The following RNF213 variants were observed in gnomAD, a reference collection of about 807,000 sequenced individuals.
The protein encoded by RNF213 is ring finger protein 213, also known as E3 ubiquitin-protein ligase RNF213.
Under a neutral mutation model 514.4 loss-of-function variants are expected in RNF213, and 341 were observed. The ratio of observed to expected loss-of-function variants is 0.66; its 90% CI spans 0.61 to 0.73. The LOEUF is 0.73. Among genes scored for constraint, RNF213 ranks in the 30% least tolerant of loss-of-function variants. RNF213 has a pLI of 0.00. For synonymous variants in RNF213, 2,655 were observed against 2,658.2 expected, an observed-to-expected ratio of 1.00 and a Z score of 0.04; for missense variants, 5,767 against 6,615.6, an observed-to-expected ratio of 0.87 and a Z score of 4.45.
chr17:80,281,815 A>G (rs539468166), intron 3 of RNF213, among the ~76,000 whole-genome samples: 29 of 152,274 alleles, frequency 1.9e-4, no homozygotes, highest in Non-Finnish European at 2.9e-4. Context: ...ACGGCGTGGC[A>G]TTGGTACATA....
At chr17:80,325,263 G>T (rs997793073) in intron 18 of RNF213, 65 bp downstream of exon 18, 2 of 1,434,578 alleles carry the variant, frequency 1.4e-6, no homozygotes, top group Non-Finnish European at 1.9e-6. Context: ...ATTGGGAAAG[G>T]TGGGAGGCAG....
chr17:80,388,013 G>A (rs2080309912), intron 63 of RNF213, among the ~76,000 whole-genome samples: 1 of 137,174 alleles, frequency 7.3e-6, no homozygotes, highest in Non-Finnish European at 1.5e-5. Flanking sequence ...AGGCTGGATT[G>A]CAGTGGCGCA....
intron 67 of RNF213, among the ~76,000 whole-genome samples, chr17:80,390,901 A>G (rs2144670940): frequency 6.6e-6 from 1 of 152,142 alleles, no homozygotes; most frequent in South Asian, 2.1e-4. Flanking sequence ...GTTTCTACTA[A>G]AAATACAAAA....
intron 8 of RNF213, among the ~76,000 whole-genome samples, chr17:80,292,209 C>T (rs746203743): frequency 9.9e-5 from 15 of 152,072 alleles, no homozygotes; most frequent in Admixed American, 3.3e-4. Flanking sequence ...CTCAGCCTCC[C>T]GAGTAGCTGG....
In RNF213 at chr17:80,355,617, G is replaced by C. The variant is rs78230659; in HGVS notation, c.10862+1041G>C. Among the ~76,000 whole-genome samples the C allele has an allele frequency of 3.4e-3, 43 of 12,722 alleles. 2 individuals carry two copies. Among genetic ancestry groups the C allele is most frequent in the African/African-American group, 0.018 (25 of 1,360 alleles). The allele number at this position is 12,722 out of a possible 152,430, so 8.3% of individuals were successfully genotyped here. On this transcript the variant is annotated intron_variant, in intron 36 of 67. Coordinates refer to ENST00000582970, the MANE Select transcript of RNF213 (RefSeq NM_001256071.3). The stretch of plus-strand genomic sequence containing the variant: ...GCTTACAGGGGAAGAAGCGGGGTGA[G>C]TGGGAATGGGGGCTTACAGGGGAAG...
intron 38 of RNF213, among the ~76,000 whole-genome samples, chr17:80,360,850 T>G (rs2079028895): frequency 6.6e-6 from 1 of 152,228 alleles, no homozygotes; most frequent in African/African-American, 2.4e-5. Flanking sequence ...CAGGGTGGCC[T>G]TCTTTTCTAG....
chr17:80,328,475 A>T lies in RNF213; in HGVS notation c.3515A>T (p.Gln1172Leu), dbSNP rs1261619312. ...TGTGGGAACGTGAAACATCTGATAC[A>T]AGGTGGTATTCCTGAGAAGTGAACA... ...KMCGNVKHLI[Q>L]VDFGVLAVRH... The change falls in exon 20 of 68, where the codon CAA becomes CTA. Residue 1172 changes from glutamine to leucine, a missense_variant and splice_region_variant. Gln to Leu is a moderately radical substitution (Grantham distance 113). Coordinates refer to ENST00000582970, the MANE Select transcript of RNF213 (RefSeq NM_001256071.3). 6.5e-7 allele frequency: 1 copy of T among 1,537,266 alleles called. No homozygotes were observed.
chr17:80,283,553 T>G (rs1402608001), intron 3 of RNF213, among the ~76,000 whole-genome samples: 1 of 152,244 alleles, frequency 6.6e-6, no homozygotes, highest in Non-Finnish European at 1.5e-5. Flanking sequence ...CCCCGGGCTC[T>G]GCCCAACCTC....
rs376147332 is a variant in RNF213, at chr17:80,359,758, A to C, written c.11055-303A>C. Reference sequence around the variant, plus strand: ...TTGTGCTCTGTGTTACAAGTTATCAAAGCCAGACAGGTTCAGGAACCAGAA... The same window carrying C: ...TTGTGCTCTGTGTTACAAGTTATCACAGCCAGACAGGTTCAGGAACCAGAA... On this transcript the variant is annotated intron_variant, in intron 37 of 67. Coordinates refer to ENST00000582970, the MANE Select transcript of RNF213 (RefSeq NM_001256071.3). Among the ~76,000 whole-genome samples, 71 of 152,316 alleles carry C rather than the reference A, an allele frequency of 4.7e-4. No homozygotes were observed. The South Asian group carries it at 0.014, about 30-fold the overall frequency.
At position 80,377,308 on chromosome 17, in the gene RNF213, C is replaced by T. The variant is rs1307568538; in HGVS notation, c.13510+345C>T. ...ACAAAACAAAGTTTTTGACACAAAG[C>T]TCTTCTGAAATATATGAAATATAGA... On this transcript the variant is annotated intron_variant, in intron 53 of 67. Transcript: ENST00000582970. The surrounding 1 kb of genome is among the most constrained non-coding windows in gnomAD (Gnocchi z 4.1). 1 of 399,836 alleles carries T rather than the reference C, an allele frequency of 2.5e-6. No individual in the cohort carries two copies. The allele number at this position is 399,836 out of a possible 1,614,324, so 24.8% of individuals were successfully genotyped here.
In RNF213 at chr17:80,327,834, T is replaced by C. The variant is rs2046318647; in HGVS notation, c.3212T>C (p.Leu1071Pro). ...TATTCAGGAACCGACGAGAAAATAC[T>C]AGCAAATGTCACAGAGGATGCCAAG... The part of the protein sequence containing the change: ...FRLCGTDEKI[L>P]ANVTEDAKRL... The change falls in exon 19 of 68, where the codon CTA becomes CCA. Residue 1071 changes from leucine (L) to proline (P), a missense_variant. Physicochemically the swap from Leu to Pro is moderately conservative, Grantham distance 98. This residue lies in a region of RNF213 where 516 missense variants were observed against 566.5 expected (regional missense o/e 0.91). Coordinates refer to ENST00000582970, the MANE Select transcript of RNF213 (RefSeq NM_001256071.3). 3.3e-6 allele frequency: 5 copies of C among 1,536,506 alleles called. No homozygotes were observed. The East Asian group carries it at 1.2e-4, about 38-fold the overall frequency.
intron 49 of RNF213, 64 bp downstream of exon 49, chr17:80,373,229 A>ACACACCCCCCTCCCCT (rs2079590226): frequency 1.5e-6 from 2 of 1,330,434 alleles, no homozygotes; most frequent in Admixed American, 2.2e-5. Flanking sequence ...CCCCAAACCC[A>ACACACCCCCCTCCCCT]CACACCCCCC....
At chr17:80,319,465 T>C (rs2046064562) in intron 17 of RNF213, 153 bp downstream of exon 17, 1 of 1,614,162 alleles carries the variant, frequency 6.2e-7, no homozygotes, top group Non-Finnish European at 8.5e-7. Flanking sequence ...CCAAGGGCAA[T>C]GGCGCTGAAA....
Position 80,375,977 on chromosome 17 carries a change from A to G in RNF213, c.13185+107A>G, listed in dbSNP as rs988501962. 3.3e-6 allele frequency: 3 copies of G among 906,834 alleles called. No individual in the cohort carries two copies. In the African/African-American group the frequency reaches 4.9e-5, roughly 15 times the overall value. 56.2% of individuals were successfully genotyped at this position (906,834 alleles called of 1,614,324 possible). On this transcript the variant is annotated intron_variant, in intron 51 of 67. Coordinates refer to ENST00000582970, the MANE Select transcript of RNF213 (RefSeq NM_001256071.3). ...AAATCATACCATAATTTTTTTATCT[A>G]GGATAGAGGTTCTCAACCTTGTTAT... is the stretch of plus-strand genomic sequence containing the variant.
intron 67 of RNF213, among the ~76,000 whole-genome samples, chr17:80,392,606 T>G (rs1599228896): frequency 1.7e-4 from 1 of 6,000 alleles, no homozygotes; most frequent in Non-Finnish European, 5.5e-4. Context: ...GATTTCTGGG[T>G]TTTTTTTTTT....
chr17:80,367,628 C>A (rs2079329604), intron 42 of RNF213, 120 bp from the exon 43 acceptor site: 5 of 748,232 alleles, frequency 6.7e-6, no homozygotes, highest in Admixed American at 2.0e-5. Context: ...AGGCCTCGCA[C>A]CCCACACCCC....
chr17:80,273,224 T>C lies in RNF213; in HGVS notation c.98-17T>C. On this transcript the variant is annotated splice_polypyrimidine_tract_variant and intron_variant, in intron 2 of 67. Coordinates refer to ENST00000582970, the MANE Select transcript of RNF213 (RefSeq NM_001256071.3). ...CTTCTCTCTGAGATCTGACCCTTCC[T>C]TCATCTGCCGTTACAGATTCTGAGA... 6.2e-7 allele frequency: 1 copy of C among 1,613,250 alleles called. No homozygotes were observed. Among genetic ancestry groups the C allele is most frequent in the Non-Finnish European group, 8.5e-7 (1 of 1,179,762 alleles).
At position 80,346,979 on chromosome 17, in the gene RNF213, G is replaced by A. The variant is rs373512045; in HGVS notation, c.8644G>A (p.Val2882Met). 20 of 1,613,650 alleles carry A rather than the reference G, an allele frequency of 1.2e-5. No homozygotes were observed. Among genetic ancestry groups the A allele is most frequent in the East Asian group, 2.2e-5 (1 of 44,876 alleles). ...CGCCCCCCACAAAAAGGTCGGCTTC[G>A]TGGGCATCTCCAACTGGGCCCTTGA... ...DPAPHKKVGF[V>M]GISNWALDPA... Residue 2882 changes from valine to methionine, a missense_variant, in exon 29 of 68, where the codon GTG becomes ATG. By Grantham distance (21) the Val-to-Met change is conservative (BLOSUM62 1). Coordinates refer to ENST00000582970, the MANE Select transcript of RNF213 (RefSeq NM_001256071.3). This position sits in a 1 kb window ranked among gnomAD's most constrained non-coding sequence, Gnocchi z 8.1.
At chr17:80,383,645 C>T in intron 58 of RNF213, 32 bp from the exon 59 acceptor site, 1 of 1,613,000 alleles carries the variant, frequency 6.2e-7, no homozygotes. Flanking sequence ...TACCTCACTT[C>T]CAGAATTTTT....
Sources: gnomAD v4.1 joint callset for allele counts (sites outside exome capture counted in the v4.1 genomes callset) on GRCh38, gnomAD v4.1.1 for gene constraint, gnomAD v4.1.1 regional missense constraint, Gnocchi (gnomAD v3.1) non-coding constraint, MANE v1.5 for transcripts, NCBI Gene and HGNC (gene_info 2026-07-23, HGNC 2026-07-21) for gene names.